Variants in DNAAF11 observed in about 807,000 individuals in gnomAD.
The protein encoded by DNAAF11 is dynein axonemal assembly factor 11.
DNAAF11 carries 45 observed loss-of-function variants against 60.8 expected under a neutral mutation model. That is an observed-to-expected ratio of 0.74 (90% CI 0.58 to 0.95). DNAAF11 has a LOEUF of 0.95. Among genes scored for constraint, DNAAF11 ranks in the 40% least tolerant of loss-of-function variants. The pLI, the probability that DNAAF11 is intolerant of heterozygous loss-of-function variation, is 0.00. For synonymous variants in DNAAF11, 191 were observed against 183.5 expected (o/e 1.04, Z -0.33); for missense variants, 546 against 546.2 (o/e 1.00, Z 0.00).
At chr8:132,582,164 G>A (rs545652977) in intron 11 of DNAAF11, among the ~76,000 whole-genome samples, 19 of 152,240 alleles carry the variant, frequency 1.2e-4, no homozygotes, top group Admixed American at 1.1e-3. Flanking sequence ...TGGTTAATGG[G>A]GTTGCCCAGC....
chr8:132,572,692 A>AG (rs1248517709), intron 11 of DNAAF11, among the ~76,000 whole-genome samples: 1 of 152,082 alleles, frequency 6.6e-6, no homozygotes, highest in Non-Finnish European at 1.5e-5. Context: ...TTCTAAAAAA[A>AG]AAAAAAAAAG....
In DNAAF11 at chr8:132,625,375, C is replaced by T. The variant is rs1031689643; in HGVS notation, c.733G>A (p.Asp245Asn). The change falls in exon 6 of 12, where the codon GAT becomes AAT. Residue 245 changes from aspartate to asparagine, a missense_variant. Asp to Asn is a conservative substitution (Grantham distance 23, BLOSUM62 1). Coordinates refer to ENST00000620350, the MANE Select transcript of DNAAF11 (RefSeq NM_012472.6). ...GGCTTATTCCAGAATTCCAAGTCAT[C>T]TTCACTGTTGTCTAATTTCTTTGTG... ...HNTKKLDNSE[D>N]DLEFWNKPCL... 3 of 1,613,406 alleles carry T rather than the reference C, an allele frequency of 1.9e-6. No homozygotes were observed. Among genetic ancestry groups the T allele is most frequent in the African/African-American group, 1.3e-5 (1 of 74,900 alleles).
intron 3 of DNAAF11, among the ~76,000 whole-genome samples, chr8:132,640,041 T>A (rs1413285341): frequency 3.9e-5 from 6 of 152,224 alleles, no homozygotes. Flanking sequence ...GTTTCTGGCA[T>A]TCTACAAGAT....
intron 1 of DNAAF11, 195 bp downstream of exon 1, chr8:132,675,289 C>G (rs1825681615): frequency 1.8e-6 from 1 of 550,702 alleles, no homozygotes; most frequent in Admixed American, 3.3e-5. Flanking sequence ...CTGGAAAAGG[C>G]CAGGCTGTCC....
intron 10 of DNAAF11, among the ~76,000 whole-genome samples, chr8:132,599,149 T>C (rs1429239407): frequency 6.6e-6 from 1 of 152,074 alleles, no homozygotes; most frequent in Non-Finnish European, 1.5e-5. Flanking sequence ...TAAACACCTC[T>C]ACGCAAATAA....
In DNAAF11 at chr8:132,632,803, T is replaced by C. The variant is rs1288510239; in HGVS notation, c.590A>G (p.Asn197Ser). Residue 197 changes from asparagine to serine, a missense_variant, in exon 5 of 12, where the codon AAT becomes AGT. Asn to Ser is a conservative substitution (Grantham distance 46, BLOSUM62 1). Coordinates refer to ENST00000620350, the MANE Select transcript of DNAAF11 (RefSeq NM_012472.6). The stretch of plus-strand genomic sequence containing the variant: ...GCCTGCGTTACTTCTCTTGTCTTCA[T>C]TTTTATCCTCTTCTTGGTGTTTCCT... ...AQRKHQEEDK[N>S]EDKRSNAGFD... The C allele has an allele frequency of 6.2e-7, 1 of 1,613,990 alleles. No homozygotes were observed. Among genetic ancestry groups the C allele is most frequent in the South Asian group, 1.1e-5 (1 of 91,076 alleles).
At chr8:132,606,603 T>C (rs940921738) in intron 10 of DNAAF11, among the ~76,000 whole-genome samples, 2 of 152,212 alleles carry the variant, frequency 1.3e-5, no homozygotes, top group Admixed American at 1.3e-4. Context: ...CCTCCCAGGT[T>C]CAAGCCATCC....
At chr8:132,624,435 C>T (rs1307330188) in intron 6 of DNAAF11, among the ~76,000 whole-genome samples, 5 of 152,172 alleles carry the variant, frequency 3.3e-5, no homozygotes, top group South Asian at 2.1e-4. Context: ...AAATCACCCA[C>T]GTTTTACAAA....
At chr8:132,691,071 A>C in the DNAAF11 span, among the ~76,000 whole-genome samples, 9 of 150,122 alleles carry the variant, frequency 6.0e-5, no homozygotes, top group African/African-American at 2.0e-4. Flanking sequence ...ACACTTAAGG[A>C]GTGGGAAGTT....
intron 10 of DNAAF11, among the ~76,000 whole-genome samples, chr8:132,606,492 C>T (rs1296421396): frequency 6.6e-6 from 1 of 151,926 alleles, no homozygotes. Flanking sequence ...TTTTATTTTT[C>T]GAGACAGGGT....
chr8:132,682,845 G>A, the DNAAF11 span, among the ~76,000 whole-genome samples: 2 of 152,226 alleles, frequency 1.3e-5, no homozygotes, highest in Non-Finnish European at 2.9e-5. Context: ...AGATGACGGG[G>A]AGCTAGCATG....
At chr8:132,626,357 T>C (rs1481681900) in intron 5 of DNAAF11, among the ~76,000 whole-genome samples, 3 of 152,208 alleles carry the variant, frequency 2.0e-5, no homozygotes, top group African/African-American at 7.2e-5. Context: ...AGCCGGCACT[T>C]TTTATATTAT....
At chr8:132,668,226 T>G (rs535161333) in intron 1 of DNAAF11, among the ~76,000 whole-genome samples, 14 of 152,362 alleles carry the variant, frequency 9.2e-5, no homozygotes, top group African/African-American at 3.4e-4. Context: ...TGTCTTTTCT[T>G]GCTGACCCAG....
chr8:132,607,143 A>G (rs777216426), intron 10 of DNAAF11, among the ~76,000 whole-genome samples: 3 of 152,182 alleles, frequency 2.0e-5, no homozygotes, highest in Non-Finnish European at 2.9e-5. Flanking sequence ...TAAGTGCTCT[A>G]TGCAGGTGTA....
upstream of DNAAF11, chr8:132,675,547 CT>C: frequency 6.5e-7 from 1 of 1,540,378 alleles, no homozygotes; most frequent in Non-Finnish European, 8.8e-7. Context: ...TCGAATGACG[CT>C]TTTCACCCTT....
intron 3 of DNAAF11, among the ~76,000 whole-genome samples, chr8:132,642,048 A>G (rs950547416): frequency 1.3e-5 from 2 of 152,246 alleles, no homozygotes; most frequent in African/African-American, 2.4e-5. Flanking sequence ...ACATCATTCT[A>G]TTTTTCAAAA....
chr8:132,620,071 A>T (rs1014670913), intron 7 of DNAAF11, among the ~76,000 whole-genome samples: 1 of 152,170 alleles, frequency 6.6e-6, no homozygotes, highest in African/African-American at 2.4e-5. Flanking sequence ...AGAAGGTAGG[A>T]GAGCAGCTTG....
intron 8 of DNAAF11, among the ~76,000 whole-genome samples, chr8:132,614,319 T>C (rs1001400144): frequency 1.3e-5 from 2 of 152,070 alleles, no homozygotes; most frequent in Non-Finnish European, 2.9e-5. Context: ...AAGCAGCCTC[T>C]GAGATGGTGC....
intron 3 of DNAAF11, among the ~76,000 whole-genome samples, chr8:132,641,908 G>C (rs1338325284): frequency 6.6e-6 from 1 of 152,122 alleles, no homozygotes; most frequent in African/African-American, 2.4e-5. Flanking sequence ...TGGAGGAGGA[G>C]AGCTTATGAT....
Sources: allele counts gnomAD v4.1 joint callset (sites outside exome capture counted in the v4.1 genomes callset), GRCh38; gene constraint gnomAD v4.1.1; transcripts MANE v1.5; gene names NCBI Gene and HGNC (gene_info 2026-07-23, HGNC 2026-07-21).